The following NRXN3 variants were observed in gnomAD, a reference collection of about 807,000 sequenced individuals.
The protein encoded by NRXN3 is neurexin III.
Under a neutral mutation model 137.6 loss-of-function variants are expected in NRXN3, and 32 were observed. The ratio of observed to expected loss-of-function variants is 0.23; its 90% confidence interval spans 0.18 to 0.31. NRXN3 has a LOEUF of 0.31. NRXN3 is among the 10% of genes least tolerant of loss of function. NRXN3 has a pLI of 1.00. For synonymous variants in NRXN3, 798 were observed against 784.5 expected, an observed-to-expected ratio of 1.02 and a Z score of -0.29; for missense variants, 1,574 against 2,062.5, an observed-to-expected ratio of 0.76 and a Z score of 4.59.
intron 15 of NRXN3, among the ~76,000 whole-genome samples, chr14:79,251,474 A>G (rs1394121323): frequency 6.6e-6 from 1 of 152,212 alleles, no homozygotes; most frequent in East Asian, 1.9e-4. Flanking sequence ...TATACAACGT[A>G]CAATAAGTAG....
intron 15 of NRXN3, among the ~76,000 whole-genome samples, chr14:79,091,799 G>A (rs1191146478): frequency 6.6e-6 from 1 of 151,990 alleles, no homozygotes; most frequent in Non-Finnish European, 1.5e-5. Flanking sequence ...TTACCAAGTA[G>A]GAACAAAAGT....
Position 78,429,723 on chromosome 14 carries a change from G to A in NRXN3, c.757+131863G>A, listed in dbSNP as rs540267718. On this transcript the variant is annotated intron_variant, in intron 4 of 20. Coordinates refer to ENST00000335750, the MANE Select transcript of NRXN3 (RefSeq NM_001330195.2). ...ATAGGGTCTGTGTGGAGTTAAGATGGCCAGTGATGGAGGCCTGGGCACAAC... is the reference window on the plus strand; with the variant it reads ...ATAGGGTCTGTGTGGAGTTAAGATGACCAGTGATGGAGGCCTGGGCACAAC... Among the ~76,000 whole-genome samples the A allele has an allele frequency of 1.4e-4, 22 of 152,292 alleles. 1 individual carries two copies. The highest frequency in any genetic ancestry group is 5.3e-4 in the African/African-American group (22 of 41,570).
In NRXN3 at chr14:78,967,388, G is replaced by C; in HGVS notation, c.2958G>C (p.Leu986=). ...VTQVINGAKN[L]DLKGDLYMAG... ...AGGTTATCAATGGTGCCAAAAATCT[G>C]GATTTGAAAGGTAAACCTTGTAAAG... The change falls in exon 13 of 21, where the codon CTG becomes CTC. Residue 986 remains leucine, a synonymous_variant. Transcript: ENST00000335750. 1 of 1,612,218 alleles carries C rather than the reference G, an allele frequency of 6.2e-7. No homozygotes were observed. Among genetic ancestry groups the C allele is most frequent in the East Asian group, 2.2e-5 (1 of 44,830 alleles).
chr14:79,060,165 A>G (rs1235458025), intron 15 of NRXN3, among the ~76,000 whole-genome samples: 1 of 152,228 alleles, frequency 6.6e-6, no homozygotes, highest in Non-Finnish European at 1.5e-5. Flanking sequence ...CTTCTGAGGT[A>G]GGGCAAAGTC....
chr14:79,166,892 A>G (rs1356642352), intron 15 of NRXN3, among the ~76,000 whole-genome samples: 1 of 151,996 alleles, frequency 6.6e-6, no homozygotes, highest in Admixed American at 6.6e-5. Context: ...ATCTTTGTAA[A>G]TAAAGTGCCT....
intron 16 of NRXN3, among the ~76,000 whole-genome samples, chr14:79,624,192 C>T (rs2098256543): frequency 6.6e-6 from 1 of 152,118 alleles, no homozygotes; most frequent in Non-Finnish European, 1.5e-5. Context: ...CAAAAGACAC[C>T]AAAGAGCCAC....
intron 15 of NRXN3, among the ~76,000 whole-genome samples, chr14:79,192,138 C>T (rs1188270834): frequency 6.6e-6 from 1 of 152,132 alleles, no homozygotes; most frequent in Non-Finnish European, 1.5e-5. Context: ...CTGCCCACCT[C>T]GGCCTCCCAA....
intron 4 of NRXN3, among the ~76,000 whole-genome samples, chr14:78,376,762 A>G (rs2153626178): frequency 6.6e-6 from 1 of 152,322 alleles, no homozygotes; most frequent in Middle Eastern, 3.4e-3. Flanking sequence ...TTCCAGCTGA[A>G]TAGCCCAGAA....
chr14:79,130,588 C>G (rs2057318340), intron 15 of NRXN3, among the ~76,000 whole-genome samples: 1 of 152,082 alleles, frequency 6.6e-6, no homozygotes, highest in African/African-American at 2.4e-5. Flanking sequence ...GTAACCCGAC[C>G]TTTCTCTCTG....
intron 10 of NRXN3, among the ~76,000 whole-genome samples, chr14:78,827,962 T>C (rs1476221909): frequency 2.0e-5 from 3 of 152,236 alleles, no homozygotes; most frequent in African/African-American, 7.2e-5. Flanking sequence ...TTCATTGTGC[T>C]ATGGTTTGGT....
At chr14:78,580,514 G>A (rs2096982935) in intron 4 of NRXN3, among the ~76,000 whole-genome samples, 1 of 152,164 alleles carries the variant, frequency 6.6e-6, no homozygotes, top group African/African-American at 2.4e-5. Context: ...GAACTACCCT[G>A]TGTGTCCTTT....
intron 15 of NRXN3, among the ~76,000 whole-genome samples, chr14:79,440,341 C>G (rs558544038): frequency 6.6e-6 from 1 of 152,138 alleles, no homozygotes; most frequent in Non-Finnish European, 1.5e-5. Flanking sequence ...AATAGAAATG[C>G]TAATATCTAC....
chr14:79,580,308 A>G (rs1858318626), intron 16 of NRXN3, among the ~76,000 whole-genome samples: 1 of 152,204 alleles, frequency 6.6e-6, no homozygotes. Context: ...TAAAAATTCA[A>G]TAGTGGGATT....
chr14:78,448,499 G>GTT (rs753870934), intron 4 of NRXN3, among the ~76,000 whole-genome samples: 6 of 152,166 alleles, frequency 3.9e-5, no homozygotes, highest in Non-Finnish European at 7.3e-5. Flanking sequence ...GCTAAAACAC[G>GTT]TTTTTTTCAC....
intron 19 of NRXN3, among the ~76,000 whole-genome samples, chr14:79,718,031 G>A (rs1429070160): frequency 6.6e-6 from 1 of 152,074 alleles, no homozygotes. Context: ...TGGGAGTGGG[G>A]GCAGAGACTA....
chr14:79,262,281 G>A (rs556380655), intron 15 of NRXN3, among the ~76,000 whole-genome samples: 1 of 152,134 alleles, frequency 6.6e-6, no homozygotes, highest in African/African-American at 2.4e-5. Context: ...TGAGGTTGGG[G>A]CTGCTCTCTG....
At chr14:78,303,807 G>A (rs2077101360) in intron 4 of NRXN3, among the ~76,000 whole-genome samples, 1 of 152,044 alleles carries the variant, frequency 6.6e-6, no homozygotes, top group Non-Finnish European at 1.5e-5. Context: ...TTTGTGCTGT[G>A]TTATAAGGTA....
intron 16 of NRXN3, among the ~76,000 whole-genome samples, chr14:79,580,889 A>C (rs2153810421): frequency 6.6e-6 from 1 of 152,318 alleles, no homozygotes; most frequent in African/African-American, 2.4e-5. Flanking sequence ...TAAGAAAAAA[A>C]AATGTGGGCC....
chr14:78,294,721 T>C (rs1474806546), intron 3 of NRXN3, among the ~76,000 whole-genome samples: 2 of 152,130 alleles, frequency 1.3e-5, no homozygotes, highest in Admixed American at 1.3e-4. Flanking sequence ...GCGTCACAAG[T>C]TAGAAAGTAG....
Sources: allele counts gnomAD v4.1 joint callset (sites outside exome capture counted in the v4.1 genomes callset), GRCh38; gene constraint gnomAD v4.1.1; transcripts MANE v1.5; gene names NCBI Gene and HGNC (gene_info 2026-07-23, HGNC 2026-07-21).